The following SLC25A31 variants were observed in gnomAD, a reference collection of about 807,000 sequenced individuals.
SLC25A31 encodes the protein ADP/ATP translocase 4.
SLC25A31 carries 40 observed loss-of-function variants against 36.2 expected under a neutral mutation model. The observed-to-expected ratio is 1.10, with a 90% CI of 0.86 to 1.44. The LOEUF (loss-of-function observed/expected upper bound fraction) is 1.44, where lower values mean the gene tolerates loss of function less well. SLC25A31 is among the 40% of genes most tolerant of loss of function. The pLI, the probability that SLC25A31 is intolerant of heterozygous loss-of-function variation, is 0.00. For synonymous variants in SLC25A31, 143 were observed against 149.7 expected (o/e 0.96, Z 0.32); for missense variants, 350 against 397.1 (o/e 0.88, Z 1.01).
At chr4:127,752,335 C>T (rs914791300) in intron 2 of SLC25A31, among the ~76,000 whole-genome samples, 4 of 151,628 alleles carry the variant, frequency 2.6e-5, no homozygotes, top group Admixed American at 6.6e-5. Flanking sequence ...AACCAAACAC[C>T]GCATGTTCTC....
rs548995239 is a variant in SLC25A31, at chr4:127,762,042, G to A, written c.361-2201G>A. ...GAGTGTTACTTAAAAAGATCCATGG[G>A]AGTCTGGGAACAGTAAGTGGCATTA... On this transcript the variant is annotated intron_variant, in intron 2 of 5. Coordinates refer to ENST00000281154, the MANE Select transcript of SLC25A31 (RefSeq NM_031291.4). Among the ~76,000 whole-genome samples the A allele has an allele frequency of 1.9e-3, 283 of 152,276 alleles. 2 individuals carry two copies. Among genetic ancestry groups the A allele is most frequent in the South Asian group, 8.5e-3 (41 of 4,820 alleles).
intron 2 of SLC25A31, among the ~76,000 whole-genome samples, chr4:127,746,199 A>G (rs191151190): frequency 1.6e-4 from 24 of 152,258 alleles, no homozygotes; most frequent in African/African-American, 4.1e-4. Flanking sequence ...TCTTTATCCA[A>G]TCTGCCATTT....
At chr4:127,746,956 G>A (rs778922137) in intron 2 of SLC25A31, among the ~76,000 whole-genome samples, 22 of 152,216 alleles carry the variant, frequency 1.4e-4, no homozygotes, top group Middle Eastern at 3.4e-3. Context: ...TATATATGGT[G>A]TAAGGAAGGA....
chr4:127,772,764 C>T (rs1471014112), intron 5 of SLC25A31, among the ~76,000 whole-genome samples: 2 of 150,522 alleles, frequency 1.3e-5, no homozygotes, highest in Non-Finnish European at 3.0e-5. Flanking sequence ...AACATCCCAA[C>T]ATATGATTTC....
intron 2 of SLC25A31, among the ~76,000 whole-genome samples, chr4:127,753,655 C>A (rs1451865218): frequency 6.6e-6 from 1 of 152,030 alleles, no homozygotes; most frequent in East Asian, 1.9e-4. Flanking sequence ...TCTGAACAGA[C>A]CAACAATGAG....
intron 1 of SLC25A31, among the ~76,000 whole-genome samples, chr4:127,743,129 T>G (rs1281713481): frequency 1.3e-5 from 2 of 149,416 alleles, no homozygotes; most frequent in East Asian, 3.9e-4. Context: ...TTTTTTCTTT[T>G]CTTTTTTTTT....
At chr4:127,737,989 A>G (rs773497960) in intron 1 of SLC25A31, among the ~76,000 whole-genome samples, 3 of 152,178 alleles carry the variant, frequency 2.0e-5, no homozygotes, top group South Asian at 2.1e-4. Context: ...GCCATTTCCA[A>G]AGTGGCCATT....
chr4:127,731,490 C>CTCGA (rs1329272308), intron 1 of SLC25A31, among the ~76,000 whole-genome samples: 1 of 152,130 alleles, frequency 6.6e-6, no homozygotes, highest in Non-Finnish European at 1.5e-5. Context: ...ATCACTTGAG[C>CTCGA]TCGAGCTCAG....
chr4:127,755,207 T>C (rs755345182), intron 2 of SLC25A31, among the ~76,000 whole-genome samples: 31 of 152,168 alleles, frequency 2.0e-4, no homozygotes, highest in Non-Finnish European at 3.2e-4. Context: ...CTCCATGACA[T>C]TGGTCTGAGC....
chr4:127,770,937 G>GTTC (rs1200445399), intron 5 of SLC25A31, among the ~76,000 whole-genome samples: 28 of 131,436 alleles, frequency 2.1e-4, no homozygotes, highest in South Asian at 9.6e-4. Flanking sequence ...TTCCTCCTCT[G>GTTC]TTCTTCTTCT....
In SLC25A31 at chr4:127,744,714, G is replaced by A. The variant is rs1270543795; in HGVS notation, c.275G>A (p.Arg92Gln). The part of the protein sequence containing the change: ...FWRGNLANVI[R>Q]YFPTQALNFA... ...CGTGGCAATTTGGCAAATGTTATTC[G>A]GTATTTTCCAACACAAGCTCTAAAC... Residue 92 changes from arginine (R) to glutamine (Q), a missense_variant, in exon 2 of 6, where the codon CGG (arginine) becomes CAG (glutamine). Transcript: ENST00000281154. 1.2e-5 allele frequency: 19 copies of A among 1,603,798 alleles called. No individual in the cohort carries two copies. In the South Asian group the frequency reaches 1.4e-4, roughly 11 times the overall value.
At chr4:127,766,443 G>C (rs1176878280) in intron 3 of SLC25A31, among the ~76,000 whole-genome samples, 1 of 151,616 alleles carries the variant, frequency 6.6e-6, no homozygotes, top group Non-Finnish European at 1.5e-5. Flanking sequence ...TGGGATTACA[G>C]GCATGAGGCA....
intron 2 of SLC25A31, among the ~76,000 whole-genome samples, chr4:127,754,008 A>G (rs1034748289): frequency 2.0e-5 from 3 of 152,188 alleles, no homozygotes; most frequent in African/African-American, 4.8e-5. Context: ...GGATAGTTCA[A>G]TATACACAAA....
intron 2 of SLC25A31, 113 bp downstream of exon 2, chr4:127,744,912 G>T: frequency 1.2e-6 from 1 of 819,720 alleles, no homozygotes; most frequent in Non-Finnish European, 1.7e-6. Flanking sequence ...TCTTTAAAAT[G>T]GTTAGATTTG....
At chr4:127,749,726 A>G (rs931844171) in intron 2 of SLC25A31, among the ~76,000 whole-genome samples, 13 of 135,448 alleles carry the variant, frequency 9.6e-5, no homozygotes, top group African/African-American at 1.4e-4. Flanking sequence ...AAAAAAAAAA[A>G]GCCAGGTACA....
chr4:127,738,964 C>T (rs1431893021), intron 1 of SLC25A31, among the ~76,000 whole-genome samples: 1 of 151,970 alleles, frequency 6.6e-6, no homozygotes, highest in Non-Finnish European at 1.5e-5. Context: ...TGATCCTTTT[C>T]CAACCCTTTA....
chr4:127,746,340 T>TA (rs1731825626), intron 2 of SLC25A31, among the ~76,000 whole-genome samples: 1 of 151,712 alleles, frequency 6.6e-6, no homozygotes, highest in Non-Finnish European at 1.5e-5. Context: ...ATACCTCTGT[T>TA]TTTAGCTCTT....
chr4:127,744,608 A>G (rs1393191909), intron 1 of SLC25A31, 64 bp from the exon 2 acceptor site: 2 of 1,419,722 alleles, frequency 1.4e-6, no homozygotes, highest in East Asian at 2.4e-5. Flanking sequence ...TAAATTTGCT[A>G]AAACTATGGC....
At chr4:127,736,316 A>G (rs1731632733) in intron 1 of SLC25A31, among the ~76,000 whole-genome samples, 2 of 152,060 alleles carry the variant, frequency 1.3e-5, no homozygotes, top group South Asian at 4.1e-4. Context: ...TTTTGAAGAA[A>G]TTTTTTTCTT....
Sources: allele counts gnomAD v4.1 joint callset (sites outside exome capture counted in the v4.1 genomes callset), GRCh38; gene constraint gnomAD v4.1.1; transcripts MANE v1.5; gene names NCBI Gene and HGNC (gene_info 2026-07-23, HGNC 2026-07-21).